The following LDB2 variants were observed in gnomAD, a reference collection of about 807,000 sequenced individuals.
LDB2 encodes the protein LIM domain binding 2.
Under a neutral mutation model 44.3 loss-of-function variants are expected in LDB2, and 12 were observed. The ratio of observed to expected loss-of-function variants is 0.27; its 90% CI spans 0.17 to 0.44. The LOEUF (loss-of-function observed/expected upper bound fraction) is 0.44. Ranked by LOEUF, LDB2 falls within the 20% of genes least tolerant of loss-of-function variation. The pLI is 1.00. For missense variants in LDB2, 344 were observed against 473.5 expected, an observed-to-expected ratio of 0.73 and a Z score of 2.54; for synonymous variants, 164 against 174.8, an observed-to-expected ratio of 0.94 and a Z score of 0.49.
intron 1 of LDB2, among the ~76,000 whole-genome samples, chr4:16,766,815 T>C (rs949801081): frequency 6.6e-6 from 1 of 152,078 alleles, no homozygotes; most frequent in Non-Finnish European, 1.5e-5. Context: ...ATTTATATAT[T>C]GGGGTCTCTC....
chr4:16,681,451 C>T (rs1287434752), intron 2 of LDB2, among the ~76,000 whole-genome samples: 1 of 152,088 alleles, frequency 6.6e-6, no homozygotes, highest in Non-Finnish European at 1.5e-5. Context: ...AGAACCTAAA[C>T]TGAGAACACA....
chr4:16,590,097 G>A (rs1718392173), intron 3 of LDB2, among the ~76,000 whole-genome samples: 1 of 152,170 alleles, frequency 6.6e-6, no homozygotes, highest in South Asian at 2.1e-4. Flanking sequence ...TGGTCATCAT[G>A]TGCCACCTGA....
chr4:16,723,812 G>T (rs544122923), intron 2 of LDB2, among the ~76,000 whole-genome samples: 5 of 152,120 alleles, frequency 3.3e-5, no homozygotes, highest in Non-Finnish European at 5.9e-5. Context: ...TAAAATGCCT[G>T]TGAATGAGAG....
intron 1 of LDB2, among the ~76,000 whole-genome samples, chr4:16,883,906 TAA>T (rs1190593329): frequency 1.6e-4 from 23 of 148,160 alleles, no homozygotes; most frequent in African/African-American, 5.2e-4. Flanking sequence ...TTTGCATCTT[TAA>T]AAAAAAAAAT....
chr4:16,740,319 C>G (rs1762979960), intron 2 of LDB2, among the ~76,000 whole-genome samples: 1 of 152,158 alleles, frequency 6.6e-6, no homozygotes, highest in South Asian at 2.1e-4. Flanking sequence ...TTTTTGCATT[C>G]AGTTATATTC....
chr4:16,551,803 C>T (rs192798005), intron 5 of LDB2, among the ~76,000 whole-genome samples: 7 of 152,244 alleles, frequency 4.6e-5, no homozygotes, highest in East Asian at 1.9e-4. Context: ...AGGTGTGAGC[C>T]GCCGCACCCG....
At chr4:16,594,139 T>C (rs930485004) in intron 3 of LDB2, among the ~76,000 whole-genome samples, 1 of 151,566 alleles carries the variant, frequency 6.6e-6, no homozygotes, top group Admixed American at 6.6e-5. Flanking sequence ...TCTCTTGAAT[T>C]ACCTAAAAAT....
intron 5 of LDB2, among the ~76,000 whole-genome samples, chr4:16,579,893 G>C (rs1050538215): frequency 2.7e-4 from 41 of 152,272 alleles, no homozygotes; most frequent in African/African-American, 9.6e-4. Flanking sequence ...ACAAACGAGT[G>C]GGGAGACAAT....
At chr4:16,674,816 G>GACAC (rs796453616) in intron 2 of LDB2, among the ~76,000 whole-genome samples, 7 of 150,990 alleles carry the variant, frequency 4.6e-5, no homozygotes, top group Non-Finnish European at 7.4e-5. Flanking sequence ...CATATACACA[G>GACAC]ACACACACAC....
In LDB2 at chr4:16,502,109, TA is replaced by T. The variant is rs1306441676; in HGVS notation, c.*533del. 6.6e-6 allele frequency: 1 copy of T among 151,806 alleles called. No individual in the cohort carries two copies. Among genetic ancestry groups the T allele is most frequent in the African/African-American group, 2.4e-5 (1 of 40,948 alleles). 9.4% of individuals were successfully genotyped at this position (151,806 alleles called of 1,614,324 possible). ...AGCTGTTGCCCAATGAAAGAAAACA[TA>T]AAGAAAAAAAAAATAAGGTACATTT... is the stretch of plus-strand genomic sequence containing the variant. On this transcript the variant is annotated 3_prime_UTR_variant, in exon 8 of 8. Transcript: ENST00000304523.
rs1401154619 is a variant in LDB2 at position 16,684,314 on chromosome 4, T to A, written c.235+74844A>T. Among the ~76,000 whole-genome samples the A allele has an allele frequency of 2.0e-5, 3 of 152,232 alleles. No individual in the cohort carries two copies. The East Asian group carries it at 5.8e-4, about 29-fold the overall frequency. ...AGCGGAAATTTCGTGTGAGTTTTGCTCTGTGTGCCTTTTGTTTTTAATGTG... is the reference window on the plus strand; with the variant it reads ...AGCGGAAATTTCGTGTGAGTTTTGCACTGTGTGCCTTTTGTTTTTAATGTG... On this transcript the variant is annotated intron_variant, in intron 2 of 7. Transcript: ENST00000304523.
intron 2 of LDB2, among the ~76,000 whole-genome samples, chr4:16,729,263 T>G (rs995971186): frequency 3.3e-5 from 5 of 152,184 alleles, no homozygotes; most frequent in African/African-American, 1.2e-4. Context: ...GAATGACGCT[T>G]GTCATTTTAA....
chr4:16,767,900 A>G (rs1181957881), intron 1 of LDB2, among the ~76,000 whole-genome samples: 2 of 152,216 alleles, frequency 1.3e-5, no homozygotes, highest in African/African-American at 2.4e-5. Context: ...GTCAAATAGC[A>G]GAAGAGAGTC....
intron 7 of LDB2, among the ~76,000 whole-genome samples, chr4:16,507,470 T>G (rs1383700726): frequency 1.3e-5 from 2 of 151,878 alleles, no homozygotes; most frequent in Non-Finnish European, 2.9e-5. Context: ...GAAGGTCCAC[T>G]CGCACATGGA....
intron 1 of LDB2, among the ~76,000 whole-genome samples, chr4:16,892,096 C>T (rs1389858549): frequency 1.3e-5 from 2 of 152,196 alleles, no homozygotes; most frequent in Admixed American, 1.3e-4. Flanking sequence ...CCAACAGACA[C>T]TGAAAACTCC....
At chr4:16,563,333 T>G (rs1050409802) in intron 5 of LDB2, among the ~76,000 whole-genome samples, 2 of 148,566 alleles carry the variant, frequency 1.3e-5, no homozygotes, top group African/African-American at 2.5e-5. Context: ...ATTAAAAACC[T>G]CCATGTCATG....
Position 16,595,802 on chromosome 4 carries a change from A to C in LDB2, c.309T>G (p.Ile103Met), listed in dbSNP as rs1348335644. 1 of 1,613,656 alleles carries C rather than the reference A, an allele frequency of 6.2e-7. No individual in the cohort carries two copies. The highest frequency in any genetic ancestry group is 8.5e-7 in the Non-Finnish European group (1 of 1,179,876). The part of the protein sequence containing the change: ...FEGGVTDLYY[I>M]LKHSKESYHN... ...GGTATGACTCTTTCGAGTGTTTGAG[A>C]ATGTAATACAGGTCGGTCACCCCTC... is the stretch of plus-strand genomic sequence containing the variant. Residue 103 changes from isoleucine to methionine, a missense_variant, in exon 3 of 8, where the codon ATT becomes ATG. Physicochemically the swap from Ile to Met is conservative, Grantham distance 10 (BLOSUM62 1). This residue lies in a region of LDB2 where 226 missense variants were observed against 270.1 expected (regional missense o/e 0.84). Coordinates refer to ENST00000304523, the MANE Select transcript of LDB2 (RefSeq NM_001290.5).
At chr4:16,503,874 A>T (rs1718303601) in intron 7 of LDB2, among the ~76,000 whole-genome samples, 1 of 152,198 alleles carries the variant, frequency 6.6e-6, no homozygotes, top group Non-Finnish European at 1.5e-5. Context: ...TGGAGAGGCC[A>T]GGGATGGGGA....
In LDB2 at chr4:16,724,025, T is replaced by C. The variant is rs1331627491; in HGVS notation, c.235+35133A>G. 2.6e-5 allele frequency among the ~76,000 whole-genome samples: 4 copies of C among 152,280 alleles called. No homozygotes were observed. In the South Asian group the frequency reaches 8.3e-4, roughly 32 times the overall value. On this transcript the variant is annotated intron_variant, in intron 2 of 7. Transcript: ENST00000304523. ...AATTCATCTCCTGCCATCTCCTCAC[T>C]GCCTACAGCAGTGCCTAGTGCAGTG...
Sources: allele counts gnomAD v4.1 joint callset (sites outside exome capture counted in the v4.1 genomes callset), GRCh38; gene constraint gnomAD v4.1.1; regional missense constraint gnomAD v4.1.1; transcripts MANE v1.5; gene names NCBI Gene and HGNC (gene_info 2026-07-23, HGNC 2026-07-21).